The following NCK2 variants were observed in gnomAD, a reference collection of about 807,000 sequenced individuals.
NCK2 encodes cytoplasmic protein NCK2.
NCK2 carries 16 observed loss-of-function variants against 33.9 expected under a neutral mutation model. That is an observed-to-expected ratio of 0.47 (90% confidence interval 0.32 to 0.72). The LOEUF (loss-of-function observed/expected upper bound fraction) is 0.72. Among genes scored for constraint, NCK2 ranks in the 30% least tolerant of loss-of-function variants. NCK2 has a pLI of 0.03. For missense variants in NCK2, 418 were observed against 537.3 expected, an observed-to-expected ratio of 0.78 and a Z score of 2.19; for synonymous variants, 273 against 239.9, an observed-to-expected ratio of 1.14 and a Z score of -1.27.
At chr2:105,758,433 CAG>C (rs1225759082) in intron 1 of NCK2, among the ~76,000 whole-genome samples, 2 of 132,502 alleles carry the variant, frequency 1.5e-5, no homozygotes, top group Admixed American at 1.6e-4. Context: ...TTTTTTGAGA[CAG>C]AGTCTCGCTC....
intron 1 of NCK2, among the ~76,000 whole-genome samples, chr2:105,803,187 T>C (rs1674905833): frequency 6.6e-6 from 1 of 152,230 alleles, no homozygotes; most frequent in South Asian, 2.1e-4. Flanking sequence ...TAGTTGTTAA[T>C]ATAAACATTT....
At chr2:105,786,173 T>C (rs544883018) in intron 1 of NCK2, among the ~76,000 whole-genome samples, 29 of 152,368 alleles carry the variant, frequency 1.9e-4, no homozygotes, top group Non-Finnish European at 3.7e-4. Context: ...CGTTGTGGAC[T>C]GAACAATAAA....
chr2:105,771,144 G>A (rs917690206), intron 1 of NCK2, among the ~76,000 whole-genome samples: 6 of 151,932 alleles, frequency 3.9e-5, no homozygotes, highest in Admixed American at 2.6e-4. Context: ...GGATGCTCTC[G>A]ATCTCCTGAC....
chr2:105,831,410 C>CTTTTTTTTTTTTTTTTTTTTTTTT (rs56247904), intron 2 of NCK2, among the ~76,000 whole-genome samples: 1 of 144,846 alleles, frequency 6.9e-6, no homozygotes. Flanking sequence ...AGCATGATAT[C>CTTTTTTTTTTTTTTTTTTTTTTTT]TTTTTTTTTT....
At chr2:105,864,828 TACACACACACACACACACACAC>T (rs10524426) in intron 3 of NCK2, among the ~76,000 whole-genome samples, 63 of 144,304 alleles carry the variant, frequency 4.4e-4, no homozygotes, top group Admixed American at 1.0e-3. Flanking sequence ...CATGTGCATG[TACACACACACACACACACACAC>T]ACACACACAC....
chr2:105,809,221 C>A (rs1675201555), intron 1 of NCK2, among the ~76,000 whole-genome samples: 1 of 152,176 alleles, frequency 6.6e-6, no homozygotes, highest in South Asian at 2.1e-4. Context: ...CTCATCCTTG[C>A]ATTTGCTCAC....
At chr2:105,892,901 A>T in intron 4 of NCK2, 81 bp from the exon 5 acceptor site, 1 of 1,186,938 alleles carries the variant, frequency 8.4e-7, no homozygotes, top group Non-Finnish European at 1.2e-6. Flanking sequence ...GTTTGGATTT[A>T]GACGCACAAG....
At chr2:105,776,803 C>T (rs548271700) in intron 1 of NCK2, among the ~76,000 whole-genome samples, 17 of 152,144 alleles carry the variant, frequency 1.1e-4, no homozygotes, top group Non-Finnish European at 1.8e-4. Context: ...GGTACCATAG[C>T]CCTCTGGTTT....
chr2:105,793,241 T>G (rs6761169), intron 1 of NCK2, among the ~76,000 whole-genome samples: 139,495 of 152,268 alleles, frequency 0.92, 63,948 homozygotes, highest in East Asian at 1. Flanking sequence ...GGTGGAGAAC[T>G]TCTGGAAACC....
chr2:105,757,011 G>T (rs1689618538), intron 1 of NCK2, among the ~76,000 whole-genome samples: 1 of 152,006 alleles, frequency 6.6e-6, no homozygotes, highest in Non-Finnish European at 1.5e-5. Flanking sequence ...CTTCATGTTG[G>T]TCAGGTTGGT....
At chr2:105,822,793 G>A (rs1434051117) in intron 2 of NCK2, among the ~76,000 whole-genome samples, 3 of 151,870 alleles carry the variant, frequency 2.0e-5, no homozygotes, top group African/African-American at 4.9e-5. Context: ...AGGAATTTTC[G>A]TGAATTCTCT....
intron 3 of NCK2, among the ~76,000 whole-genome samples, chr2:105,875,349 G>A (rs1025837038): frequency 3.9e-5 from 6 of 152,154 alleles, no homozygotes; most frequent in Admixed American, 2.6e-4. Context: ...AGGTGCTGGC[G>A]GTACGGGGTC....
chr2:105,798,205 GA>G (rs1691154529), intron 1 of NCK2, among the ~76,000 whole-genome samples: 1 of 152,114 alleles, frequency 6.6e-6, no homozygotes, highest in Non-Finnish European at 1.5e-5. Flanking sequence ...TGATTTTGTT[GA>G]AAAAATGTAT....
rs577069627 is a variant in NCK2 at position 105,847,523 on chromosome 2, G to A, written c.-16-7525G>A. 1.1e-3 allele frequency among the ~76,000 whole-genome samples: 167 copies of A among 152,254 alleles called. 3 individuals are homozygous for A. The highest frequency in any genetic ancestry group is 1.9e-3 in the Non-Finnish European group (128 of 68,018). On this transcript the variant is annotated intron_variant, in intron 2 of 4. Coordinates refer to ENST00000233154, the MANE Select transcript of NCK2 (RefSeq NM_003581.5). The stretch of plus-strand genomic sequence containing the variant: ...GGGCAGGTGGAAATGCAGGTGTGCA[G>A]CGGAACTGGCCTCCCTAGAAGTAAA...
chr2:105,825,350 CAA>C (rs1289785196), intron 2 of NCK2, among the ~76,000 whole-genome samples: 1 of 152,138 alleles, frequency 6.6e-6, no homozygotes, highest in Non-Finnish European at 1.5e-5. Flanking sequence ...ATCATAAATT[CAA>C]AAATCCCATT....
At chr2:105,802,545 G>A (rs1208789083) in intron 1 of NCK2, among the ~76,000 whole-genome samples, 1 of 152,182 alleles carries the variant, frequency 6.6e-6, no homozygotes, top group Non-Finnish European at 1.5e-5. Context: ...GGGCCGATGG[G>A]TAGAGATCCC....
At chr2:105,792,746 G>A (rs938943255) in intron 1 of NCK2, among the ~76,000 whole-genome samples, 2 of 152,150 alleles carry the variant, frequency 1.3e-5, no homozygotes, top group African/African-American at 4.8e-5. Flanking sequence ...GAGCCAGTCT[G>A]GTGCGATTTT....
At chr2:105,876,272 T>C (rs1678231121) in intron 3 of NCK2, among the ~76,000 whole-genome samples, 1 of 152,250 alleles carries the variant, frequency 6.6e-6, no homozygotes, top group Non-Finnish European at 1.5e-5. Flanking sequence ...ATTTCATCTC[T>C]TGTCTCAAGT....
chr2:105,810,334 G>A (rs892101441), intron 1 of NCK2, among the ~76,000 whole-genome samples: 2 of 152,188 alleles, frequency 1.3e-5, no homozygotes, highest in Middle Eastern at 3.4e-3. Flanking sequence ...GAGAGAGAGC[G>A]AGCGAGCAAG....
Sources: allele counts gnomAD v4.1 joint callset (sites outside exome capture counted in the v4.1 genomes callset), GRCh38; gene constraint gnomAD v4.1.1; transcripts MANE v1.5; gene names NCBI Gene and HGNC (gene_info 2026-07-23, HGNC 2026-07-21).